Variants in PHGR1 observed in about 807,000 individuals in gnomAD.
PHGR1 encodes the protein proline, histidine and glycine-rich protein 1.
Under a neutral mutation model 4.9 loss-of-function variants are expected in PHGR1, and 3 were observed. The ratio of observed to expected loss-of-function variants is 0.61; its 90% CI spans 0.28 to 1.58. The LOEUF is 1.58. Among genes scored for constraint, PHGR1 ranks in the 40% most tolerant of loss-of-function variants. PHGR1 has a pLI of 0.11. For synonymous variants in PHGR1, 32 were observed against 46.1 expected (o/e 0.69, Z 1.24); for missense variants, 81 against 118.7 (o/e 0.68, Z 1.48).
chr15:40,355,989 G>C (rs573287311), intron 3 of PHGR1, 84 bp from the exon 4 acceptor site: 1 of 1,387,610 alleles, frequency 7.2e-7, no homozygotes, highest in Non-Finnish European at 1.0e-6. Flanking sequence ...GAGTCCCCCA[G>C]GGAAGTGGAG....
intron 1 of PHGR1, among the ~76,000 whole-genome samples, chr15:40,352,782 G>A (rs1255882558): frequency 6.6e-6 from 1 of 152,212 alleles, no homozygotes; most frequent in East Asian, 1.9e-4. Flanking sequence ...CATGCCAGAT[G>A]TTTACACAAG....
rs1455001655 is a variant in PHGR1, at chr15:40,356,294, A to C, written c.240A>C (p.Pro80=). 9 of 1,548,268 alleles carry C rather than the reference A, an allele frequency of 5.8e-6. No individual in the cohort carries two copies. Among genetic ancestry groups the C allele is most frequent in the Non-Finnish European group, 7.9e-6 (9 of 1,146,200 alleles). ...GHGPGHPPPG[P]HH is the part of the protein sequence containing the mutation. ...GCCCAGGTCACCCACCCCCTGGTCC[A>C]CATCACTGAGGAAGTAGAAGAAAAC... The change falls in exon 4 of 4, where the codon CCA becomes CCC. Residue 80 remains proline, a synonymous_variant. Transcript: ENST00000448599.
intron 1 of PHGR1, among the ~76,000 whole-genome samples, chr15:40,352,942 AT>A (rs1394475007): frequency 2.0e-5 from 3 of 152,180 alleles, no homozygotes; most frequent in Non-Finnish European, 4.4e-5. Context: ...GTGTAAGAGT[AT>A]GGGGTGTAGG....
intron 1 of PHGR1, 84 bp from the exon 2 acceptor site, chr15:40,353,144 TGTGC>T (rs1483608945): frequency 1.1e-4 from 101 of 899,400 alleles, no homozygotes; most frequent in Non-Finnish European, 1.3e-4. Flanking sequence ...TGTGTGTGTG[TGTGC>T]GCGCGCGCGC....
At position 40,354,230 on chromosome 15, in the gene PHGR1, G is replaced by T. The variant is rs549653604; in HGVS notation, c.11-115G>T. 83 of 1,153,246 alleles carry T rather than the reference G, an allele frequency of 7.2e-5. No individual in the cohort carries two copies. In the East Asian group the frequency reaches 2.1e-3, roughly 30 times the overall value. The allele number at this position is 1,153,246 out of a possible 1,614,324, so 71.4% of individuals were successfully genotyped here. A position where few individuals can be genotyped will look rare whatever the true frequency, so the allele number is the denominator to read the frequency against. On this transcript the variant is annotated intron_variant, in intron 2 of 3. Transcript: ENST00000448599. The stretch of plus-strand genomic sequence containing the variant: ...CAAGTGACCATGTCTGAGAGGCCCT[G>T]TTGGGTTAGGGGTGTGGGCACAAAA...
chr15:40,353,800 C>G, intron 2 of PHGR1: 1 of 183,840 alleles, frequency 5.4e-6, no homozygotes, highest in Non-Finnish European at 1.1e-5. Flanking sequence ...ATGAGGGCAA[C>G]ACGCAGCTGC....
intron 3 of PHGR1, 71 bp from the exon 4 acceptor site, chr15:40,356,002 A>G (rs1595720612): frequency 6.9e-7 from 1 of 1,448,110 alleles, no homozygotes; most frequent in Non-Finnish European, 9.4e-7. Context: ...AAGTGGAGTG[A>G]GGGAGAGCTG....
At chr15:40,353,166 T>C (rs373015273) in intron 1 of PHGR1, 66 bp from the exon 2 acceptor site, 11 of 1,342,894 alleles carry the variant, frequency 8.2e-6, no homozygotes, top group Non-Finnish European at 1.0e-5. Context: ...CGCGCATCCG[T>C]GGGAGGGAGA....
Position 40,356,356 on chromosome 15 carries a change from C to A in PHGR1, c.*53C>A. On this transcript the variant is annotated 3_prime_UTR_variant, in exon 4 of 4. Transcript: ENST00000448599. ...TGGCAAGCCTGAGAGAATTGCCCAG[C>A]TGACCTGGAATGAGGCCTAAACCAC... 6.5e-7 allele frequency: 1 copy of A among 1,549,536 alleles called. No homozygotes were observed. Among genetic ancestry groups the A allele is most frequent in the South Asian group, 1.2e-5 (1 of 84,036 alleles).
At chr15:40,351,446 G>A (rs1468471533) in intron 1 of PHGR1, among the ~76,000 whole-genome samples, 1 of 152,118 alleles carries the variant, frequency 6.6e-6, no homozygotes, top group Non-Finnish European at 1.5e-5. Context: ...GATCCTGACT[G>A]GCCCTGAGGT....
In PHGR1 at chr15:40,354,347, C is replaced by A; in HGVS notation, c.13C>A (p.Pro5Thr). 6.5e-7 allele frequency: 1 copy of A among 1,536,542 alleles called. No homozygotes were observed. The highest frequency in any genetic ancestry group is 1.2e-5 in the South Asian group (1 of 84,036). The change falls in exon 3 of 4, where the codon CCG (proline) becomes ACG (threonine). Residue 5 changes from proline to threonine, a missense_variant and splice_region_variant. Pro to Thr is a conservative substitution (Grantham distance 38). Transcript: ENST00000448599. ...TTTTTTCCCTTCCTCTCCCACAGGT[C>A]CGAAGGTAGGAAAGTTCCCCCAATG... MDPG[P>T]KGHCHCGGHG...
At chr15:40,353,859 T>C in intron 2 of PHGR1, 1 of 182,518 alleles carries the variant, frequency 5.5e-6, no homozygotes. Context: ...GGCCAAGAGC[T>C]GAGAACAGAA....
intron 1 of PHGR1, 86 bp from the exon 2 acceptor site, chr15:40,353,146 T>TGTGTGTGC (rs56132408): frequency 4.3e-4 from 334 of 776,040 alleles, no homozygotes; most frequent in African/African-American, 3.2e-3. Context: ...TGTGTGTGTG[T>TGTGTGTGC]GCGCGCGCGC....
At chr15:40,354,583 C>G (rs1889260821) in intron 3 of PHGR1, among the ~76,000 whole-genome samples, 1 of 152,138 alleles carries the variant, frequency 6.6e-6, no homozygotes, top group Non-Finnish European at 1.5e-5. Context: ...GTTTTCCCAT[C>G]TGTCTCTCTC....
Position 40,356,304 on chromosome 15 carries a change from G to A in PHGR1, c.*1G>A. ...CCCACCCCCTGGTCCACATCACTGA[G>A]GAAGTAGAAGAAAACAGGACACAAG... On this transcript the variant is annotated 3_prime_UTR_variant, in exon 4 of 4. Transcript: ENST00000448599. 6.5e-7 allele frequency: 1 copy of A among 1,549,836 alleles called. No individual in the cohort carries two copies. The highest frequency in any genetic ancestry group is 8.7e-7 in the Non-Finnish European group (1 of 1,146,626).
chr15:40,352,794 C>T (rs931760857), intron 1 of PHGR1, among the ~76,000 whole-genome samples: 1 of 152,242 alleles, frequency 6.6e-6, no homozygotes, highest in Non-Finnish European at 1.5e-5. Flanking sequence ...TTACACAAGA[C>T]AAGAGTCTGT....
Position 40,356,288 on chromosome 15 carries a change from T to A in PHGR1, c.234T>A (p.Pro78=), listed in dbSNP as rs1362938500. 1 of 1,541,482 alleles carries A rather than the reference T, an allele frequency of 6.5e-7. No homozygotes were observed. The highest frequency in any genetic ancestry group is 8.7e-7 in the Non-Finnish European group (1 of 1,144,344). ...PPGHGPGHPP[P]GPHH Reference sequence around the variant, plus strand: ...GCCATGGCCCAGGTCACCCACCCCCTGGTCCACATCACTGAGGAAGTAGAA... The same window carrying A: ...GCCATGGCCCAGGTCACCCACCCCCAGGTCCACATCACTGAGGAAGTAGAA... The change falls in exon 4 of 4, where the codon CCT becomes CCA. Residue 78 remains proline (P), a synonymous_variant. Transcript: ENST00000448599.
intron 2 of PHGR1, 160 bp downstream of exon 2, chr15:40,353,427 G>GC (rs1230279171): frequency 2.4e-6 from 2 of 846,320 alleles, no homozygotes; most frequent in Non-Finnish European, 3.8e-6. Context: ...ATGAAGACAA[G>GC]CCCTTACATA....
rs187588822 is a variant in PHGR1, at chr15:40,352,484, C to A, written c.-26-748C>A. Among the ~76,000 whole-genome samples, 549 of 152,262 alleles carry A rather than the reference C, an allele frequency of 3.6e-3. 2 individuals carry two copies. Among genetic ancestry groups the A allele is most frequent in the Admixed American group, 0.01 (154 of 15,292 alleles). Reference sequence around the variant, plus strand: ...CCAGCCCCAAGCAAGACATGGCCAGCCTTGGCACCACGTTACCTCAGCAGC... The same window carrying A: ...CCAGCCCCAAGCAAGACATGGCCAGACTTGGCACCACGTTACCTCAGCAGC... On this transcript the variant is annotated intron_variant, in intron 1 of 3. Coordinates refer to ENST00000448599, the MANE Select transcript of PHGR1 (RefSeq NM_001145643.2).
Sources: gnomAD v4.1 joint callset for allele counts (sites outside exome capture counted in the v4.1 genomes callset) on GRCh38, gnomAD v4.1.1 for gene constraint, MANE v1.5 for transcripts, NCBI Gene and HGNC (gene_info 2026-07-23, HGNC 2026-07-21) for gene names.